FHOD3: variants seen among roughly 807,000 people sequenced by gnomAD.
FHOD3 encodes FH1/FH2 domain-containing protein 3.
Under a neutral mutation model 173.0 loss-of-function variants are expected in FHOD3, and 90 were observed. The ratio of observed to expected loss-of-function variants is 0.52; its 90% CI spans 0.44 to 0.62. The LOEUF is 0.62. FHOD3 is among the 20% of genes least tolerant of loss of function. The pLI, the probability that FHOD3 is intolerant of heterozygous loss-of-function variation, is 0.00. For missense variants in FHOD3, 1,945 were observed against 2,034.7 expected, an observed-to-expected ratio of 0.96 and a Z score of 0.85; for synonymous variants, 828 against 823.0, an observed-to-expected ratio of 1.01 and a Z score of -0.10.
chr18:36,774,583 A>T (rs1208301907), intron 28 of FHOD3, among the ~76,000 whole-genome samples: 1 of 152,224 alleles, frequency 6.6e-6, no homozygotes, highest in Admixed American at 6.5e-5. Flanking sequence ...GGTGAGTCCA[A>T]GAAATTGAAT....
rs116833633 is a variant in FHOD3, at chr18:36,347,221, A to G, written c.166-8318A>G. On this transcript the variant is annotated intron_variant, in intron 1 of 28. Coordinates refer to ENST00000590592, the MANE Select transcript of FHOD3 (RefSeq NM_001281740.3). ...ACGGAAAATGGCAAAAGGTGCCTAT[A>G]GACATAAGTAAAAAATATATTCCAG... Among the ~76,000 whole-genome samples the G allele has an allele frequency of 1.9e-3, 292 of 152,398 alleles. 1 individual carries two copies. Among genetic ancestry groups the G allele is most frequent in the African/African-American group, 6.7e-3 (280 of 41,598 alleles).
intron 5 of FHOD3, among the ~76,000 whole-genome samples, chr18:36,573,116 G>C (rs1388882234): frequency 1.3e-5 from 2 of 150,500 alleles, no homozygotes. Context: ...ACAAAAGCAT[G>C]TAACACCTCA....
chr18:36,374,467 C>T (rs2047337700), intron 3 of FHOD3, among the ~76,000 whole-genome samples: 1 of 152,200 alleles, frequency 6.6e-6, no homozygotes, highest in Admixed American at 6.5e-5. Context: ...ATTTCATAAA[C>T]TAATTAAATA....
intron 6 of FHOD3, among the ~76,000 whole-genome samples, chr18:36,578,476 G>A (rs530018783): frequency 1.3e-5 from 2 of 152,258 alleles, no homozygotes; most frequent in South Asian, 4.2e-4. Flanking sequence ...ATTTGGGTGG[G>A]GACAGAGAAC....
At chr18:36,624,402 A>G (rs1276095270) in intron 9 of FHOD3, among the ~76,000 whole-genome samples, 5 of 152,242 alleles carry the variant, frequency 3.3e-5, no homozygotes, top group Non-Finnish European at 7.3e-5. Context: ...AGTTGACACC[A>G]AAACTTGTAT....
chr18:36,470,587 T>C (rs2053223611), intron 3 of FHOD3, among the ~76,000 whole-genome samples: 1 of 152,230 alleles, frequency 6.6e-6, no homozygotes, highest in Admixed American at 6.5e-5. Flanking sequence ...TGTGTGTAAT[T>C]GTATCGTTCT....
At chr18:36,653,524 C>T in intron 13 of FHOD3, 108 bp downstream of exon 13, 1 of 809,552 alleles carries the variant, frequency 1.2e-6, no homozygotes, top group Non-Finnish European at 1.9e-6. Context: ...ACGTGACACA[C>T]AATTACAGTT....
intron 5 of FHOD3, among the ~76,000 whole-genome samples, chr18:36,529,879 C>A (rs368138159): frequency 6.6e-6 from 1 of 152,180 alleles, no homozygotes; most frequent in African/African-American, 2.4e-5. Context: ...AGAATCCCAT[C>A]GTTCAGCATC....
chr18:36,581,867 G>T (rs1183164357), intron 6 of FHOD3, among the ~76,000 whole-genome samples: 2 of 152,028 alleles, frequency 1.3e-5, no homozygotes, highest in Admixed American at 1.3e-4. Flanking sequence ...GTGGAGGAGG[G>T]GAAATTGACA....
At chr18:36,383,115 A>G (rs2047873090) in intron 3 of FHOD3, among the ~76,000 whole-genome samples, 1 of 152,072 alleles carries the variant, frequency 6.6e-6, no homozygotes, top group South Asian at 2.1e-4. Context: ...CTGTTCTGGG[A>G]TAGCGTTGGC....
intron 5 of FHOD3, among the ~76,000 whole-genome samples, chr18:36,574,499 A>G (rs1427357640): frequency 1.3e-5 from 2 of 152,014 alleles, no homozygotes; most frequent in African/African-American, 2.4e-5. Flanking sequence ...ATTTGTTGTC[A>G]TAGATCCACT....
chr18:36,537,219 C>T (rs1222777975), intron 5 of FHOD3, among the ~76,000 whole-genome samples: 1 of 152,210 alleles, frequency 6.6e-6, no homozygotes, highest in South Asian at 2.1e-4. Flanking sequence ...GGTGAGAAGC[C>T]TATGAAGTCT....
At chr18:36,354,277 G>T (rs2046258654) in intron 1 of FHOD3, among the ~76,000 whole-genome samples, 1 of 152,166 alleles carries the variant, frequency 6.6e-6, no homozygotes, top group African/African-American at 2.4e-5. Flanking sequence ...CAAACTGCTG[G>T]TATCCAAATT....
intron 9 of FHOD3, among the ~76,000 whole-genome samples, chr18:36,621,914 A>G (rs2848912): frequency 4.1e-4 from 62 of 152,352 alleles, no homozygotes; most frequent in Non-Finnish European, 7.8e-4. Context: ...CACTAGTCAC[A>G]ATAGCCAAGG....
intron 3 of FHOD3, among the ~76,000 whole-genome samples, chr18:36,445,756 A>G (rs562960143): frequency 6.6e-5 from 10 of 152,104 alleles, no homozygotes; most frequent in African/African-American, 2.4e-4. Context: ...TTTTCTTTCC[A>G]TTCGAGGTTG....
At chr18:36,605,643 CAAAA>C (rs369533272) in intron 8 of FHOD3, among the ~76,000 whole-genome samples, 1 of 148,258 alleles carries the variant, frequency 6.7e-6, no homozygotes, top group Non-Finnish European at 1.5e-5. Context: ...TTTTCACACA[CAAAA>C]AAAAAAATTT....
At chr18:36,760,966 C>T (rs372770036) in intron 27 of FHOD3, among the ~76,000 whole-genome samples, 184 bp downstream of exon 27, 6 of 152,226 alleles carry the variant, frequency 3.9e-5, no homozygotes, top group African/African-American at 1.4e-4. Flanking sequence ...ATCTCCAAAA[C>T]AAACATTCCC....
intron 15 of FHOD3, among the ~76,000 whole-genome samples, chr18:36,686,231 A>G (rs1183696450): frequency 6.6e-6 from 1 of 152,154 alleles, no homozygotes; most frequent in East Asian, 1.9e-4. Flanking sequence ...AGACTGGATA[A>G]AGAAAATATG....
intron 10 of FHOD3, among the ~76,000 whole-genome samples, chr18:36,635,219 C>T (rs1459402916): frequency 6.6e-6 from 1 of 152,160 alleles, no homozygotes; most frequent in East Asian, 1.9e-4. Context: ...TTGCAATGCT[C>T]CTGGTATCTG....
Sources: gnomAD v4.1 joint callset for allele counts (sites outside exome capture counted in the v4.1 genomes callset) on GRCh38, gnomAD v4.1.1 for gene constraint, MANE v1.5 for transcripts, NCBI Gene and HGNC (gene_info 2026-07-23, HGNC 2026-07-21) for gene names.